The following MSRA variants were observed in gnomAD, a reference collection of about 807,000 sequenced individuals.
The protein encoded by MSRA is methionine sulfoxide reductase A.
In MSRA, 54 loss-of-function variants were observed where a neutral mutation model predicts 31.3. That is an observed-to-expected ratio of 1.73 (90% CI 1.39 to 2.17). MSRA has a LOEUF of 2.17. Among genes scored for constraint, MSRA ranks in the 30% most tolerant of loss-of-function variants. The pLI, the probability that MSRA is intolerant of heterozygous loss-of-function variation, is 0.00. For synonymous variants in MSRA, 169 were observed against 116.5 expected (o/e 1.45, Z -2.90); for missense variants, 507 against 300.9 (o/e 1.69, Z -5.07).
At chr8:10,099,704 T>G (rs762248677) in intron 1 of MSRA, among the ~76,000 whole-genome samples, 1 of 152,200 alleles carries the variant, frequency 6.6e-6, no homozygotes, top group South Asian at 2.1e-4. Context: ...GGCTATGGGT[T>G]TAGAGGGGTG....
At chr8:10,348,375 T>C (rs1803918634) in intron 5 of MSRA, among the ~76,000 whole-genome samples, 1 of 125,678 alleles carries the variant, frequency 8.0e-6, no homozygotes, top group Non-Finnish European at 1.8e-5. Context: ...TTTTTTTTTT[T>C]TTTTTTTGGA....
intron 5 of MSRA, among the ~76,000 whole-genome samples, chr8:10,383,902 G>A (rs1444589034): frequency 2.0e-5 from 3 of 152,108 alleles, no homozygotes; most frequent in Non-Finnish European, 4.4e-5. Context: ...TATTAGGGAC[G>A]GGAAGAACAT....
At chr8:10,059,854 A>G (rs1236707835) in intron 1 of MSRA, among the ~76,000 whole-genome samples, 2 of 152,218 alleles carry the variant, frequency 1.3e-5, no homozygotes, top group Non-Finnish European at 2.9e-5. Flanking sequence ...GAAAAGTACA[A>G]TTGGCTTTTA....
intron 3 of MSRA, chr8:10,250,332 G>A: frequency 1.5e-6 from 1 of 677,472 alleles, no homozygotes; most frequent in Non-Finnish European, 2.7e-6. Context: ...TAATTTCAGT[G>A]CATTAGCCTA....
At chr8:10,059,801 C>T (rs567911180) in intron 1 of MSRA, among the ~76,000 whole-genome samples, 1 of 152,264 alleles carries the variant, frequency 6.6e-6, no homozygotes, top group South Asian at 2.1e-4. Context: ...ACACCAACAT[C>T]CATTGGCAAG....
chr8:10,194,433 G>A (rs2129054708), intron 1 of MSRA, among the ~76,000 whole-genome samples: 1 of 152,278 alleles, frequency 6.6e-6, no homozygotes, highest in Admixed American at 6.5e-5. Context: ...AGGTGTGGTG[G>A]CAGCCACCTG....
In MSRA at chr8:10,402,861, T is replaced by C. The variant is rs188405476; in HGVS notation, c.544-25287T>C. ...GCACAAAATTGTATTTTCCCTGTACTGAAGGGTCCCAACATGGGTAATGAC... is the reference window on the plus strand; with the variant it reads ...GCACAAAATTGTATTTTCCCTGTACCGAAGGGTCCCAACATGGGTAATGAC... On this transcript the variant is annotated intron_variant, in intron 5 of 5. Coordinates refer to ENST00000317173, the MANE Select transcript of MSRA (RefSeq NM_012331.5). Among the ~76,000 whole-genome samples, 135 of 152,380 alleles carry C rather than the reference T, an allele frequency of 8.9e-4. 1 individual carries two copies. The highest frequency in any genetic ancestry group is 2.9e-3 in the African/African-American group (121 of 41,594).
intron 1 of MSRA, among the ~76,000 whole-genome samples, chr8:10,130,134 T>A (rs1048156840): frequency 1.3e-5 from 2 of 152,164 alleles, no homozygotes; most frequent in Non-Finnish European, 2.9e-5. Flanking sequence ...CGCTAAACAT[T>A]CATCAGACTG....
intron 3 of MSRA, among the ~76,000 whole-genome samples, chr8:10,249,573 A>G (rs1056104605): frequency 6.6e-6 from 1 of 152,138 alleles, no homozygotes; most frequent in Non-Finnish European, 1.5e-5. Flanking sequence ...AGGCTGAGAA[A>G]CTTACCTCAC....
chr8:10,056,495 C>T (rs569813556), intron 1 of MSRA, among the ~76,000 whole-genome samples: 5 of 151,186 alleles, frequency 3.3e-5, no homozygotes, highest in Non-Finnish European at 5.9e-5. Flanking sequence ...TTTGGTACAC[C>T]AACACATCTC....
At chr8:10,288,688 A>T (rs1375351915) in intron 3 of MSRA, among the ~76,000 whole-genome samples, 2 of 152,188 alleles carry the variant, frequency 1.3e-5, no homozygotes, top group Non-Finnish European at 2.9e-5. Context: ...TTTTAAAAAA[A>T]ATTTAGACTA....
intron 2 of MSRA, among the ~76,000 whole-genome samples, chr8:10,213,877 C>G (rs1809744557): frequency 6.6e-6 from 1 of 152,002 alleles, no homozygotes; most frequent in Non-Finnish European, 1.5e-5. Flanking sequence ...AGGTGTGAAC[C>G]CGTACCATTT....
At chr8:10,305,473 G>A (rs1272151239) in intron 4 of MSRA, among the ~76,000 whole-genome samples, 1 of 148,874 alleles carries the variant, frequency 6.7e-6, no homozygotes, top group East Asian at 2.0e-4. Context: ...GAGTACCGTG[G>A]TGTGATCTTG....
chr8:10,099,162 G>A (rs17151071), intron 1 of MSRA, among the ~76,000 whole-genome samples: 3 of 152,068 alleles, frequency 2.0e-5, no homozygotes, highest in Admixed American at 6.5e-5. Context: ...ATTCCATGCA[G>A]TTGTTCTCTG....
chr8:10,085,597 G>C (rs1798519473), intron 1 of MSRA, among the ~76,000 whole-genome samples: 1 of 152,136 alleles, frequency 6.6e-6, no homozygotes, highest in African/African-American at 2.4e-5. Context: ...TGTCCATATT[G>C]AGGTATCATT....
intron 5 of MSRA, among the ~76,000 whole-genome samples, chr8:10,410,797 T>C (rs1213606504): frequency 1.3e-5 from 2 of 152,196 alleles, no homozygotes; most frequent in African/African-American, 4.8e-5. Context: ...TTAACATGGA[T>C]TTTTATTGTC....
At chr8:10,399,837 G>T (rs73197272) in intron 5 of MSRA, among the ~76,000 whole-genome samples, 3 of 152,206 alleles carry the variant, frequency 2.0e-5, no homozygotes, top group South Asian at 2.1e-4. Flanking sequence ...CTAACAAACC[G>T]CAAGGATTTG....
At chr8:10,137,855 T>C (rs1802402424) in intron 1 of MSRA, among the ~76,000 whole-genome samples, 1 of 152,176 alleles carries the variant, frequency 6.6e-6, no homozygotes, top group Non-Finnish European at 1.5e-5. Flanking sequence ...TACAAAGTTT[T>C]ATTACTGTAG....
chr8:10,087,724 C>T lies in MSRA; in HGVS notation c.142+33066C>T, dbSNP rs1311220685. ...CACATTGTAAATATTCTGAGAGTGC[C>T]ATACCCTCAAGGTTTCTTGTTAGGT... is the stretch of plus-strand genomic sequence containing the variant. On this transcript the variant is annotated intron_variant, in intron 1 of 5. Coordinates refer to ENST00000317173, the MANE Select transcript of MSRA (RefSeq NM_012331.5). 2.6e-5 allele frequency among the ~76,000 whole-genome samples: 4 copies of T among 152,158 alleles called. No homozygotes were observed. In the East Asian group the frequency reaches 5.8e-4, roughly 22 times the overall value.
Sources: allele counts gnomAD v4.1 joint callset (sites outside exome capture counted in the v4.1 genomes callset), GRCh38; gene constraint gnomAD v4.1.1; transcripts MANE v1.5; gene names NCBI Gene and HGNC (gene_info 2026-07-23, HGNC 2026-07-21).